Variants in ASB9 observed in about 807,000 individuals in gnomAD.
The protein encoded by ASB9 is ankyrin repeat and SOCS box protein 9.
A neutral mutation model predicts 16.6 loss-of-function variants in ASB9; 5 were observed. The ratio of observed to expected loss-of-function variants is 0.30; its 90% CI spans 0.16 to 0.63. ASB9 has a LOEUF of 0.63. Among genes scored for constraint, ASB9 ranks in the 30% least tolerant of loss-of-function variants. ASB9 has a pLI of 0.82. For missense variants in ASB9, 216 were observed against 229.4 expected, an observed-to-expected ratio of 0.94 and a Z score of 0.38; for synonymous variants, 100 against 86.4, an observed-to-expected ratio of 1.16 and a Z score of -0.87.
At chrX:15,250,672 A>C (rs1925038492) in intron 4 of ASB9, 108 bp from the exon 5 acceptor site, 1 of 681,165 alleles carries the variant, frequency 1.5e-6, no homozygotes. Context: ...TATCCAGGGG[A>C]CCAAAAAGCT....
chrX:15,259,104 T>C, intron 1 of ASB9, 159 bp from the exon 2 acceptor site: 1 of 374,223 alleles, frequency 2.7e-6, no homozygotes. Context: ...TTCTCTTCTT[T>C]ATTAATATTT....
intron 1 of ASB9, among the ~76,000 whole-genome samples, chrX:15,267,425 TATA>T (rs1926569091): frequency 5.7e-5 from 5 of 87,552 alleles, no homozygotes; most frequent in African/African-American, 1.2e-4. Flanking sequence ...AAAATATATA[TATA>T]TATATAATTA....
chrX:15,257,137 C>T (rs1381275525), intron 2 of ASB9, among the ~76,000 whole-genome samples: 1 of 111,863 alleles, frequency 8.9e-6, no homozygotes, highest in Non-Finnish European at 1.9e-5. Flanking sequence ...AGACCAGGCA[C>T]GGTGGCTCAT....
At chrX:15,265,666 C>T (rs919050156) in intron 1 of ASB9, among the ~76,000 whole-genome samples, 11 of 110,045 alleles carry the variant, frequency 1.0e-4, no homozygotes, top group Non-Finnish European at 1.5e-4. Flanking sequence ...GACAGAGTCT[C>T]GCTCTGTTGC....
intron 1 of ASB9, chrX:15,259,161 T>C: frequency 3.1e-6 from 1 of 326,687 alleles, no homozygotes; most frequent in Non-Finnish European, 5.4e-6. Context: ...GGGAAAGAAC[T>C]ACAGCCAGTC....
intron 1 of ASB9, among the ~76,000 whole-genome samples, chrX:15,263,864 C>T (rs760072488): frequency 6.6e-4 from 74 of 111,635 alleles, no homozygotes; most frequent in Non-Finnish European, 1.2e-3. Flanking sequence ...CAGGCAAAAC[C>T]CCAAAAGATA....
chrX:15,252,154 G>T (rs1009146635), intron 4 of ASB9, 100 bp downstream of exon 4: 1 of 948,275 alleles, frequency 1.1e-6, no homozygotes, highest in African/African-American at 2.0e-5. Flanking sequence ...TCCATTTTGA[G>T]AACTACTGCT....
intron 1 of ASB9, among the ~76,000 whole-genome samples, chrX:15,261,787 T>C (rs1925985983): frequency 8.9e-6 from 1 of 112,488 alleles, no homozygotes; most frequent in Non-Finnish European, 1.9e-5. Flanking sequence ...AGCAGCTGTA[T>C]TGAGATATAA....
intron 6 of ASB9, among the ~76,000 whole-genome samples, chrX:15,246,299 C>G (rs1319389001): frequency 8.9e-6 from 1 of 111,901 alleles, no homozygotes; most frequent in African/African-American, 3.3e-5. Flanking sequence ...ACTGTAGCTT[C>G]AAGTCCATAG....
intron 6 of ASB9, among the ~76,000 whole-genome samples, chrX:15,247,326 G>A (rs771768720): frequency 6.1e-4 from 68 of 111,763 alleles, no homozygotes; most frequent in Non-Finnish European, 4.1e-4. Flanking sequence ...CACTGTCACC[G>A]TGCAAAACGT....
intron 1 of ASB9, among the ~76,000 whole-genome samples, chrX:15,261,833 C>T (rs1925990953): frequency 8.9e-6 from 1 of 112,171 alleles, no homozygotes; most frequent in Admixed American, 9.5e-5. Flanking sequence ...TTAATGTGTA[C>T]AATTCAGCAG....
intron 6 of ASB9, among the ~76,000 whole-genome samples, chrX:15,245,712 G>T (rs1367601272): frequency 9.0e-6 from 1 of 111,211 alleles, no homozygotes; most frequent in Non-Finnish European, 1.9e-5. Context: ...ATTTTCTAAA[G>T]GCATGTGCCC....
chrX:15,257,226 A>G (rs142589228), intron 2 of ASB9, among the ~76,000 whole-genome samples: 1,300 of 111,227 alleles, frequency 0.012, 12 homozygotes, highest in Middle Eastern at 0.055. Flanking sequence ...CCTGACCAAC[A>G]TGGTGAAACC....
At chrX:15,258,794 T>C (rs1168099249) in intron 2 of ASB9, 72 bp downstream of exon 2, 2 of 838,902 alleles carry the variant, frequency 2.4e-6, no homozygotes, top group Admixed American at 4.6e-5. Context: ...TAAAAGTCCC[T>C]ATGTTATTAT....
At chrX:15,264,722 C>T (rs756429110) in intron 1 of ASB9, among the ~76,000 whole-genome samples, 44 of 111,961 alleles carry the variant, frequency 3.9e-4, no homozygotes, top group Non-Finnish European at 1.1e-4. Flanking sequence ...CCACACTTCA[C>T]CAAGGTTAAG....
chrX:15,249,897 T>C (rs1175194688), intron 5 of ASB9, among the ~76,000 whole-genome samples: 1 of 111,697 alleles, frequency 9.0e-6, no homozygotes, highest in African/African-American at 3.3e-5. Context: ...ACTCAGATAA[T>C]TAAAGAGGTG....
At position 15,254,187 on chromosome X, in the gene ASB9, G is replaced by A. The variant is rs141801797; in HGVS notation, c.282+550C>T. ...CTCTCACCTACTCTACTGTCCTGCC[G>A]TAAGGAATGACTTCAAGATATAAAA... On this transcript the variant is annotated intron_variant, in intron 3 of 6. Coordinates refer to ENST00000380488, the MANE Select transcript of ASB9 (RefSeq NM_001031739.3). 2.6e-4 allele frequency among the ~76,000 whole-genome samples: 29 copies of A among 112,289 alleles called. 2 individuals are homozygous for A. In the East Asian group the frequency reaches 4.7e-3, roughly 18 times the overall value.
intron 1 of ASB9, among the ~76,000 whole-genome samples, chrX:15,266,733 G>C (rs1012409672): frequency 1.8e-5 from 2 of 110,425 alleles, no homozygotes; most frequent in Non-Finnish European, 3.8e-5. Flanking sequence ...TCAGGAGATT[G>C]AGACCATCCT....
intron 6 of ASB9, among the ~76,000 whole-genome samples, chrX:15,246,757 G>A (rs1251692874): frequency 1.8e-5 from 2 of 111,334 alleles, no homozygotes; most frequent in African/African-American, 3.3e-5. Context: ...GATTACAGGC[G>A]TGAGCCACCG....
Sources: allele counts gnomAD v4.1 joint callset (sites outside exome capture counted in the v4.1 genomes callset), GRCh38; gene constraint gnomAD v4.1.1; transcripts MANE v1.5; gene names NCBI Gene and HGNC (gene_info 2026-07-23, HGNC 2026-07-21).